The following ARHGAP45 variants were observed in gnomAD, a reference collection of about 807,000 sequenced individuals.
ARHGAP45 encodes the protein Rho GTPase activating protein 45.
In ARHGAP45, 56 loss-of-function variants were observed where a neutral mutation model predicts 116.1. That is an observed-to-expected ratio of 0.48 (90% CI 0.39 to 0.60). ARHGAP45 has a LOEUF of 0.60. ARHGAP45 is among the 20% of genes least tolerant of loss of function. ARHGAP45 has a pLI of 0.00. For synonymous variants in ARHGAP45, 866 were observed against 701.7 expected (o/e 1.23, Z -3.70); for missense variants, 1,622 against 1,601.0 (o/e 1.01, Z -0.22).
At position 1,085,527 on chromosome 19, in the gene ARHGAP45, TCC is replaced by T. The variant is rs1040144987; in HGVS notation, c.3065-130_3065-129del. On this transcript the variant is annotated intron_variant, in intron 22 of 22. Coordinates refer to ENST00000313093, the MANE Select transcript of ARHGAP45 (RefSeq NM_012292.5). Reference sequence around the variant, plus strand: ...GTCTCTCCTCCATCTCTCCTGTCTCTCCCCATCTCTCCTGTCTCTCCATCTCT... The same window carrying T: ...GTCTCTCCTCCATCTCTCCTGTCTCTCCATCTCTCCTGTCTCTCCATCTCT... 6.9e-5 allele frequency: 44 copies of T among 633,926 alleles called. No individual in the cohort carries two copies. The African/African-American group carries it at 7.7e-4, about 11-fold the overall frequency. The allele number at this position is 633,926 out of a possible 1,614,324, so 39.3% of individuals were successfully genotyped here. A position where few individuals can be genotyped will look rare whatever the true frequency, so the allele number is the denominator to read the frequency against.
At position 1,080,954 on chromosome 19, in the gene ARHGAP45, G is replaced by C. The variant is rs1293008391; in HGVS notation, c.2080G>C (p.Glu694Gln). 3 of 1,609,200 alleles carry C rather than the reference G, an allele frequency of 1.9e-6. No individual in the cohort carries two copies. The highest frequency in any genetic ancestry group is 2.2e-5 in the East Asian group (1 of 44,732). The change falls in exon 17 of 23, where the codon GAG becomes CAG. Residue 694 changes from glutamate (E) to glutamine (Q), a missense_variant. Physicochemically the swap from Glu to Gln is conservative, Grantham distance 29. This residue lies in a region of ARHGAP45 where 1,334 missense variants were observed against 1,263.8 expected (regional missense o/e 1.06). Transcript: ENST00000313093. ...VAVPSGPFRH[E>Q]GLSKAARTHR... ...CGTGCCCAGTGGACCGTTCCGCCACGAGGGGCTGTCCAAGGCGGCCCGTAC... is the reference window on the plus strand; with the variant it reads ...CGTGCCCAGTGGACCGTTCCGCCACCAGGGGCTGTCCAAGGCGGCCCGTAC...
Position 1,074,450 on chromosome 19 carries a change from G to A in ARHGAP45, c.993+43G>A, listed in dbSNP as rs766937574. On this transcript the variant is annotated intron_variant, in intron 8 of 22. Coordinates refer to ENST00000313093, the MANE Select transcript of ARHGAP45 (RefSeq NM_012292.5). ...ACGGGGCGGGGGTCCCTGGGCCCGG[G>A]TGTGAGTCTCAGCCCCATTTCAAGG... 14 of 1,471,548 alleles carry A rather than the reference G, an allele frequency of 9.5e-6. No individual in the cohort carries two copies. In the South Asian group the frequency reaches 1.9e-4, roughly 20 times the overall value. The allele number at this position is 1,471,548 out of a possible 1,614,324, so 91.2% of individuals were successfully genotyped here.
intron 5 of ARHGAP45, 33 bp from the exon 6 acceptor site, chr19:1,073,915 G>A: frequency 6.5e-7 from 1 of 1,533,416 alleles, no homozygotes; most frequent in Non-Finnish European, 8.8e-7. Flanking sequence ...GGCCCCGCAT[G>A]GGGCTGGTCT....
upstream of ARHGAP45, chr19:1,066,068 G>A (rs577752537): frequency 1.3e-6 from 2 of 1,535,722 alleles, no homozygotes; most frequent in African/African-American, 2.7e-5. Flanking sequence ...GCTGGGCTGG[G>A]TTTGCACTTG....
At chr19:1,078,821 A>G (rs77350636) in intron 11 of ARHGAP45, among the ~76,000 whole-genome samples, 28,677 of 151,736 alleles carry the variant, frequency 0.19, 2,892 homozygotes, top group East Asian at 0.3. Context: ...GGCTCAAGCA[A>G]TCTTCTCGCC....
intron 11 of ARHGAP45, among the ~76,000 whole-genome samples, chr19:1,079,047 G>C (rs1457811199): frequency 1.3e-5 from 2 of 151,936 alleles, no homozygotes; most frequent in African/African-American, 4.8e-5. Context: ...GGGCGTAGTG[G>C]TGGGCGCCTG....
chr19:1,075,108 C>T (rs144735649), intron 10 of ARHGAP45, among the ~76,000 whole-genome samples: 5,262 of 152,126 alleles, frequency 0.035, 133 homozygotes, highest in South Asian at 0.066. Context: ...AGGAGCCCGG[C>T]GCTCACTGCT....
chr19:1,075,015 G>A (rs2043214636), intron 10 of ARHGAP45, 136 bp downstream of exon 10: 5 of 599,180 alleles, frequency 8.3e-6, no homozygotes, highest in East Asian at 4.7e-5. Context: ...GCGCGGCCTC[G>A]CAGGCTGGGC....
Position 1,083,001 on chromosome 19 carries a change from G to C in ARHGAP45, c.2679G>C (p.Glu893Asp). 6.5e-7 allele frequency: 1 copy of C among 1,547,010 alleles called. No homozygotes were observed. The highest frequency in any genetic ancestry group is 2.4e-5 in the East Asian group (1 of 42,220). Residue 893 changes from glutamate to aspartate, a missense_variant, in exon 20 of 23, where the codon GAG becomes GAC. Around this residue, in one of 3 missense-constraint regions of ARHGAP45, gnomAD observed 1,334 missense variants for 1,263.8 expected, o/e 1.06. Transcript: ENST00000313093. ...VAVALAGRLR[E>D]LLRDLPPENR... ...TGGCCCTGGCAGGTCGGCTGCGGGA[G>C]CTCCTGCGGGACCTGCCGCCTGAGA...
intron 2 of ARHGAP45, among the ~76,000 whole-genome samples, chr19:1,072,810 T>G (rs1368056518): frequency 6.6e-6 from 1 of 151,418 alleles, no homozygotes; most frequent in Non-Finnish European, 1.5e-5. Flanking sequence ...TCCTGAGGAG[T>G]TAGGGCAGGG....
rs2145084068 is a variant in ARHGAP45 at position 1,082,849 on chromosome 19, C to T, written c.2527C>T (p.Pro843Ser). Residue 843 changes from proline to serine, a missense_variant, in exon 20 of 23, where the codon CCG becomes TCG. Physicochemically the swap from Pro to Ser is moderately conservative, Grantham distance 74. This residue lies in a region of ARHGAP45 where 1,334 missense variants were observed against 1,263.8 expected (regional missense o/e 1.06). Coordinates refer to ENST00000313093, the MANE Select transcript of ARHGAP45 (RefSeq NM_012292.5). ...CCTTGACTCTGCGCAGCTTCCCGAG[C>T]CGCTCATCTCCTTCCGCCTCTACCA... ...LKLYLRQLPE[P>S]LISFRLYHEL... is the part of the protein sequence containing the mutation. 6.6e-7 allele frequency: 1 copy of T among 1,513,038 alleles called. No individual in the cohort carries two copies. The highest frequency in any genetic ancestry group is 8.8e-7 in the Non-Finnish European group (1 of 1,130,542). 93.7% of individuals were successfully genotyped at this position (1,513,038 alleles called of 1,614,324 possible).
chr19:1,076,799 T>C (rs2043261142), intron 10 of ARHGAP45, among the ~76,000 whole-genome samples: 1 of 151,996 alleles, frequency 6.6e-6, no homozygotes, highest in Admixed American at 6.6e-5. Flanking sequence ...GCTTGGCTAA[T>C]TTTTATATCT....
rs2043055340 is a variant in ARHGAP45 at position 1,067,368 on chromosome 19, C to T, written c.-38C>T. 3 of 1,531,770 alleles carry T rather than the reference C, an allele frequency of 2.0e-6. No individual in the cohort carries two copies. Among genetic ancestry groups the T allele is most frequent in the Non-Finnish European group, 2.6e-6 (3 of 1,141,676 alleles). 94.9% of individuals were successfully genotyped at this position (1,531,770 alleles called of 1,614,324 possible). The stretch of plus-strand genomic sequence containing the variant: ...GCCGGGAGCTGCAGCGCTGAGACCC[C>T]CAGCCCGCCCCCTCGGGCTCCCGGC... On this transcript the variant is annotated 5_prime_UTR_variant, in exon 1 of 23. Coordinates refer to ENST00000313093, the MANE Select transcript of ARHGAP45 (RefSeq NM_012292.5).
chr19:1,080,262 G>T lies in ARHGAP45; in HGVS notation c.1711G>T (p.Val571Phe). The T allele has an allele frequency of 6.2e-7, 1 of 1,612,650 alleles. No individual in the cohort carries two copies. Among genetic ancestry groups the T allele is most frequent in the Non-Finnish European group, 8.5e-7 (1 of 1,179,854 alleles). Reference sequence around the variant, plus strand: ...CCCGGTTTCTTCCACTAGGTCCCCCGTCATGCGTGCCCGGAAGAGCAGCTT... The same window carrying T: ...CCCGGTTTCTTCCACTAGGTCCCCCTTCATGCGTGCCCGGAAGAGCAGCTT... Reference protein sequence around the residue: ...PHVSANAWSPVMRARKSSFNV... With the variant: ...PHVSANAWSPFMRARKSSFNV... Residue 571 changes from valine to phenylalanine, a missense_variant, in exon 14 of 23, where the codon GTC (valine) becomes TTC (phenylalanine). Physicochemically the swap from Val to Phe is conservative, Grantham distance 50. Around this residue, in one of 3 missense-constraint regions of ARHGAP45, gnomAD observed 1,334 missense variants for 1,263.8 expected, o/e 1.06. Coordinates refer to ENST00000313093, the MANE Select transcript of ARHGAP45 (RefSeq NM_012292.5).
chr19:1,082,558 C>G (rs2043471467), intron 19 of ARHGAP45: 2 of 485,294 alleles, frequency 4.1e-6, no homozygotes, highest in Non-Finnish European at 3.6e-6. Flanking sequence ...GGGAAGGGGT[C>G]AGACTATGCT....
intron 5 of ARHGAP45, 27 bp downstream of exon 5, chr19:1,073,773 G>T: frequency 6.4e-7 from 1 of 1,565,082 alleles, no homozygotes; most frequent in East Asian, 2.4e-5. Flanking sequence ...AGGGCCACCT[G>T]TGTCCAGCTT....
Position 1,074,008 on chromosome 19 carries a change from G to T in ARHGAP45, c.784G>T (p.Asp262Tyr). 1 of 1,596,836 alleles carries T rather than the reference G, an allele frequency of 6.3e-7. No homozygotes were observed. Among genetic ancestry groups the T allele is most frequent in the Non-Finnish European group, 8.5e-7 (1 of 1,172,498 alleles). The part of the protein sequence containing the change: ...EGTPPSLEDC[D>Y]AGCLPAEEVD... ...CACGCCTCCCAGCCTGGAAGACTGT[G>T]ACGCCGGTAAGCCCCCACCCAGCGG... Residue 262 changes from aspartate to tyrosine, a missense_variant, in exon 6 of 23, where the codon GAC becomes TAC. Physicochemically the swap from Asp to Tyr is radical, Grantham distance 160. Around this residue, in one of 3 missense-constraint regions of ARHGAP45, gnomAD observed 1,334 missense variants for 1,263.8 expected, o/e 1.06. Coordinates refer to ENST00000313093, the MANE Select transcript of ARHGAP45 (RefSeq NM_012292.5).
Position 1,069,296 on chromosome 19 carries a change from C to A in ARHGAP45, c.421+552C>A, listed in dbSNP as rs554953972. Among the ~76,000 whole-genome samples, 1 of 152,224 alleles carries A rather than the reference C, an allele frequency of 6.6e-6. No homozygotes were observed. The highest frequency in any genetic ancestry group is 2.1e-4 in the South Asian group (1 of 4,822). On this transcript the variant is annotated intron_variant, in intron 2 of 22. Transcript: ENST00000313093. The surrounding 1 kb of genome is among the most constrained non-coding windows in gnomAD (Gnocchi z 4.1). ...TGCTGGGACCCAGCGGCCTGCAGGC[C>A]GGCAGTTCCGTTTTCTCCTCCACGC...
At chr19:1,083,754 C>T (rs1021641005) in intron 21 of ARHGAP45, among the ~76,000 whole-genome samples, 2 of 152,160 alleles carry the variant, frequency 1.3e-5, no homozygotes, top group African/African-American at 4.8e-5. Context: ...ATTTTCTTTT[C>T]TGGGAGTTGT....
Sources: gnomAD v4.1 joint callset for allele counts (sites outside exome capture counted in the v4.1 genomes callset) on GRCh38, gnomAD v4.1.1 for gene constraint, gnomAD v4.1.1 regional missense constraint, Gnocchi (gnomAD v3.1) non-coding constraint, MANE v1.5 for transcripts, NCBI Gene and HGNC (gene_info 2026-07-23, HGNC 2026-07-21) for gene names.